UBA3: variants seen among roughly 807,000 people sequenced by gnomAD.
The protein encoded by UBA3 is ubiquitin like modifier activating enzyme 3.
In UBA3, 26 loss-of-function variants were observed where a neutral mutation model predicts 73.5. That is an observed-to-expected ratio of 0.35 (90% CI 0.26 to 0.49). The LOEUF (loss-of-function observed/expected upper bound fraction) is 0.49, where lower values mean the gene tolerates loss of function less well. Ranked by LOEUF, UBA3 falls within the 20% of genes least tolerant of loss-of-function variation. The pLI is 0.98. For synonymous variants in UBA3, 217 were observed against 191.2 expected (o/e 1.13, Z -1.11); for missense variants, 495 against 555.6 (o/e 0.89, Z 1.10).
At chr3:69,063,293 C>T in intron 8 of UBA3, 146 bp downstream of exon 8, 1 of 1,258,880 alleles carries the variant, frequency 7.9e-7, no homozygotes, top group Non-Finnish European at 1.1e-6. Flanking sequence ...CACCTGAAAA[C>T]CAATGACTGG....
At chr3:69,074,342 T>C (rs546663949) in intron 4 of UBA3, among the ~76,000 whole-genome samples, 1 of 152,320 alleles carries the variant, frequency 6.6e-6, no homozygotes, top group Admixed American at 6.5e-5. Context: ...CCACAGAGTA[T>C]ATCATGCATA....
At chr3:69,056,511 G>T (rs2107478835) in intron 14 of UBA3, 101 bp downstream of exon 14, 2 of 1,062,480 alleles carry the variant, frequency 1.9e-6, no homozygotes, top group Non-Finnish European at 2.8e-6. Flanking sequence ...TAGAGTTCTG[G>T]AAGTTAGAAA....
rs761289447 is a variant in UBA3, at chr3:69,063,769, C to T, written c.473-266G>A. ...AAGCACTTGCAGAAAACAATTTGCA[C>T]GTTCTAAGAAACCAACAAAAAAACC... On this transcript the variant is annotated intron_variant, in intron 7 of 17. Transcript: ENST00000361055. 1.7e-4 allele frequency among the ~76,000 whole-genome samples: 26 copies of T among 152,116 alleles called. 1 individual carries two copies. The highest frequency in any genetic ancestry group is 4.8e-5 in the African/African-American group (2 of 41,536).
intron 10 of UBA3, 50 bp from the exon 11 acceptor site, chr3:69,061,977 G>T (rs373592126): frequency 7.0e-7 from 1 of 1,421,998 alleles, no homozygotes; most frequent in South Asian, 1.3e-5. Context: ...ACAGGAATAC[G>T]TAATCACAAA....
chr3:69,071,263 C>A (rs2092120089), intron 5 of UBA3: 1 of 299,750 alleles, frequency 3.3e-6, no homozygotes, highest in East Asian at 1.1e-4. Context: ...CACAGTTAAC[C>A]TGAGGATATT....
intron 3 of UBA3, among the ~76,000 whole-genome samples, chr3:69,077,130 T>G (rs2092174843): frequency 6.6e-6 from 1 of 151,608 alleles, no homozygotes; most frequent in Non-Finnish European, 1.5e-5. Context: ...TTATTTTTAA[T>G]GCTTTCAGTT....
rs185112664 is a variant in UBA3, at chr3:69,068,138, A to G, written c.348-130T>C. ...AAATTTAGAAGGAATATTTTTGCCT[A>G]AGTATTTTGATTTCAGTAATAACTT... On this transcript the variant is annotated intron_variant, in intron 5 of 17. Transcript: ENST00000361055. 1.8e-3 allele frequency: 1,097 copies of G among 602,354 alleles called. 12 individuals carry two copies. The African/African-American group carries it at 0.019, about 11-fold the overall frequency. The allele number at this position is 602,354 out of a possible 1,614,324, so 37.3% of individuals were successfully genotyped here.
rs984703825 is a variant in UBA3 at position 69,055,087 on chromosome 3, C to A, written c.*350G>T. 6.0e-6 allele frequency: 1 copy of A among 166,548 alleles called. No homozygotes were observed. Among genetic ancestry groups the A allele is most frequent in the South Asian group, 2.0e-4 (1 of 5,120 alleles). The allele number at this position is 166,548 out of a possible 1,614,324, so 10.3% of individuals were successfully genotyped here. A position where few individuals can be genotyped will look rare whatever the true frequency, so the allele number is the denominator to read the frequency against. The stretch of plus-strand genomic sequence containing the variant: ...TTCTTTATTTTCCTTAAAGGGACAC[C>A]TTTTGTGTATTTGGGTACTCAAATG... On this transcript the variant is annotated 3_prime_UTR_variant, in exon 18 of 18. Transcript: ENST00000361055.
intron 4 of UBA3, chr3:69,074,936 A>G (rs969536490): frequency 2.0e-5 from 3 of 152,394 alleles, no homozygotes; most frequent in African/African-American, 4.8e-5. Context: ...ACCTGGATTC[A>G]ATTCCAGGCA....
intron 6 of UBA3, 25 bp from the exon 7 acceptor site, chr3:69,064,136 G>A: frequency 1.3e-6 from 2 of 1,577,390 alleles, no homozygotes; most frequent in Non-Finnish European, 1.7e-6. Context: ...AGGAACTTAA[G>A]CAGCTAAGTT....
rs2092048005 is a variant in UBA3 at position 69,064,223 on chromosome 3, A to G, written c.429-112T>C. On this transcript the variant is annotated intron_variant, in intron 6 of 17. Coordinates refer to ENST00000361055, the MANE Select transcript of UBA3 (RefSeq NM_003968.4). Reference sequence around the variant, plus strand: ...ATTTACAACAAGAAATAAGTAATCAATGTTCACATCAGTGGAATTCAAGGA... The same window carrying G: ...ATTTACAACAAGAAATAAGTAATCAGTGTTCACATCAGTGGAATTCAAGGA... 7.3e-6 allele frequency: 6 copies of G among 818,448 alleles called. No homozygotes were observed. The South Asian group carries it at 1.0e-4, about 14-fold the overall frequency. The allele number at this position is 818,448 out of a possible 1,614,324, so 50.7% of individuals were successfully genotyped here.
At chr3:69,062,830 GC>G in intron 9 of UBA3, 151 bp downstream of exon 9, 1 of 926,644 alleles carries the variant, frequency 1.1e-6, no homozygotes, top group Non-Finnish European at 1.6e-6. Context: ...CTCAAATAGA[GC>G]AGAATTTCAT....
intron 4 of UBA3, among the ~76,000 whole-genome samples, chr3:69,074,693 C>G (rs973572140): frequency 1.3e-5 from 2 of 152,160 alleles, no homozygotes; most frequent in African/African-American, 4.8e-5. Flanking sequence ...TCTGCCTCTA[C>G]TCATTTGTTA....
chr3:69,057,918 A>G lies in UBA3; in HGVS notation c.911-609T>C, dbSNP rs377280342. Reference sequence around the variant, plus strand: ...ATACAGTTCTCTACTTCAACCCCACATTTTTCTTTTTTTTTTTTTTTTTTT... The same window carrying G: ...ATACAGTTCTCTACTTCAACCCCACGTTTTTCTTTTTTTTTTTTTTTTTTT... On this transcript the variant is annotated intron_variant, in intron 11 of 17. Coordinates refer to ENST00000361055, the MANE Select transcript of UBA3 (RefSeq NM_003968.4). Among the ~76,000 whole-genome samples the G allele has an allele frequency of 1.4e-3, 138 of 97,614 alleles. No homozygotes were observed. The East Asian group carries it at 0.033, about 23-fold the overall frequency. 64.0% of individuals were successfully genotyped at this position (97,614 alleles called of 152,430 possible).
chr3:69,079,816 G>T (rs1422938643), intron 2 of UBA3: 4 of 422,404 alleles, frequency 9.5e-6, no homozygotes, highest in Middle Eastern at 6.0e-4. Flanking sequence ...TTGGGATGGA[G>T]GAAGAGGAGT....
chr3:69,063,166 G>C, intron 8 of UBA3, 29 bp from the exon 9 acceptor site: 1 of 1,610,808 alleles, frequency 6.2e-7, no homozygotes, highest in Non-Finnish European at 8.5e-7. Context: ...GGGCTTTAAA[G>C]GAGAAGGGGA....
At chr3:69,077,669 G>A (rs1445532639) in intron 3 of UBA3, 129 bp downstream of exon 3, 1 of 1,008,478 alleles carries the variant, frequency 9.9e-7, no homozygotes, top group Non-Finnish European at 1.4e-6. Context: ...CATATTTTAA[G>A]AAAAATTTAG....
At chr3:69,060,840 C>G (rs554531454) in intron 11 of UBA3, among the ~76,000 whole-genome samples, 14 of 152,306 alleles carry the variant, frequency 9.2e-5, no homozygotes, top group African/African-American at 2.2e-4. Context: ...ATTCCCTCCT[C>G]TCTCTCTTGC....
chr3:69,055,913 A>T lies in UBA3; in HGVS notation c.1249-8T>A. 1 of 1,611,176 alleles carries T rather than the reference A, an allele frequency of 6.2e-7. No individual in the cohort carries two copies. Among genetic ancestry groups the T allele is most frequent in the Non-Finnish European group, 8.5e-7 (1 of 1,178,828 alleles). ...TTCAATAGAGGTTACCGACTAGAAAACAAAATTACTTTAATGTAAGACACA... is the reference window on the plus strand; with the variant it reads ...TTCAATAGAGGTTACCGACTAGAAATCAAAATTACTTTAATGTAAGACACA... On this transcript the variant is annotated splice_region_variant and splice_polypyrimidine_tract_variant and intron_variant, in intron 16 of 17. Coordinates refer to ENST00000361055, the MANE Select transcript of UBA3 (RefSeq NM_003968.4).
Sources: allele counts gnomAD v4.1 joint callset (sites outside exome capture counted in the v4.1 genomes callset), GRCh38; gene constraint gnomAD v4.1.1; transcripts MANE v1.5; gene names NCBI Gene and HGNC (gene_info 2026-07-23, HGNC 2026-07-21).